Variants in PSEN1 observed in about 807,000 individuals in gnomAD.
PSEN1 encodes the protein presenilin 1.
Under a neutral mutation model 53.5 loss-of-function variants are expected in PSEN1, and 15 were observed. The observed-to-expected ratio is 0.28, with a 90% CI of 0.19 to 0.43. PSEN1 has a LOEUF of 0.43. Among genes scored for constraint, PSEN1 ranks in the 20% least tolerant of loss-of-function variants. PSEN1 has a pLI of 1.00. For missense variants in PSEN1, 387 were observed against 571.2 expected, an observed-to-expected ratio of 0.68 and a Z score of 3.29; for synonymous variants, 208 against 209.8, an observed-to-expected ratio of 0.99 and a Z score of 0.08.
At chr14:73,188,375 C>T (rs1048586482) in intron 6 of PSEN1, among the ~76,000 whole-genome samples, 2 of 151,972 alleles carry the variant, frequency 1.3e-5, no homozygotes, top group Non-Finnish European at 2.9e-5. Flanking sequence ...TAGACGGGGT[C>T]GGGTGTGGTG....
chr14:73,157,708 A>G (rs1010977306), intron 3 of PSEN1, among the ~76,000 whole-genome samples: 2 of 151,984 alleles, frequency 1.3e-5, no homozygotes, highest in Admixed American at 1.3e-4. Context: ...TATTTTATAT[A>G]AATAGTATCA....
At chr14:73,218,196 C>CCTGTCT (rs1900002108) in intron 11 of PSEN1, among the ~76,000 whole-genome samples, 1 of 149,762 alleles carries the variant, frequency 6.7e-6, no homozygotes, top group Admixed American at 6.7e-5. Flanking sequence ...AAGCGATCCT[C>CCTGTCT]CTGTCTCAGC....
At chr14:73,195,460 A>C (rs1898902025) in intron 7 of PSEN1, among the ~76,000 whole-genome samples, 1 of 152,216 alleles carries the variant, frequency 6.6e-6, no homozygotes, top group Admixed American at 6.5e-5. Flanking sequence ...GGCTTGAACC[A>C]CTGCGCCCAG....
At chr14:73,211,096 T>TAA (rs1280910594) in intron 9 of PSEN1, among the ~76,000 whole-genome samples, 2 of 152,178 alleles carry the variant, frequency 1.3e-5, no homozygotes, top group African/African-American at 2.4e-5. Context: ...TTGCAAAAGA[T>TAA]AAAAAGCCCA....
At chr14:73,185,608 T>TG (rs796578215) in intron 5 of PSEN1, among the ~76,000 whole-genome samples, 1 of 151,422 alleles carries the variant, frequency 6.6e-6, no homozygotes, top group African/African-American at 2.4e-5. Flanking sequence ...AGGGAGACCG[T>TG]GGGGAGAGAG....
chr14:73,139,887 A>C (rs1021285950), intron 1 of PSEN1, among the ~76,000 whole-genome samples: 1 of 152,204 alleles, frequency 6.6e-6, no homozygotes, highest in African/African-American at 2.4e-5. Context: ...GGCTTTTCAC[A>C]ACGCCTTGTA....
At chr14:73,165,654 A>G (rs1857810390) in intron 3 of PSEN1, among the ~76,000 whole-genome samples, 1 of 151,704 alleles carries the variant, frequency 6.6e-6, no homozygotes, top group Non-Finnish European at 1.5e-5. Context: ...AGGCTGAGGC[A>G]GGAGAATTGC....
At chr14:73,158,598 A>G (rs908090330) in intron 3 of PSEN1, among the ~76,000 whole-genome samples, 8 of 152,160 alleles carry the variant, frequency 5.3e-5, no homozygotes, top group Admixed American at 1.3e-4. Flanking sequence ...TTGGGATTAC[A>G]GGCGTGAGCC....
chr14:73,167,685 A>G (rs2140028125), intron 3 of PSEN1: 1 of 151,326 alleles, frequency 6.6e-6, no homozygotes, highest in Non-Finnish European at 1.5e-5. Context: ...TCTTCAGTCT[A>G]CACTGTGACA....
chr14:73,173,212 G>A (rs912416513), intron 4 of PSEN1, among the ~76,000 whole-genome samples: 4 of 152,114 alleles, frequency 2.6e-5, no homozygotes, highest in Admixed American at 6.5e-5. Flanking sequence ...GTCAGCCCAC[G>A]TGGTTTCTGT....
chr14:73,217,702 A>G (rs1187737631), intron 11 of PSEN1, among the ~76,000 whole-genome samples: 2 of 152,236 alleles, frequency 1.3e-5, no homozygotes, highest in East Asian at 1.9e-4. Context: ...TAAGACAGCA[A>G]GCATCTAGTG....
chr14:73,213,119 C>T (rs867575414), intron 10 of PSEN1, among the ~76,000 whole-genome samples: 2 of 152,114 alleles, frequency 1.3e-5, no homozygotes, highest in South Asian at 2.1e-4. Flanking sequence ...TATCAAAGCC[C>T]AGCTGCAGCC....
intron 3 of PSEN1, 62 bp from the exon 4 acceptor site, chr14:73,170,735 A>G: frequency 6.3e-7 from 1 of 1,584,580 alleles, no homozygotes; most frequent in Non-Finnish European, 8.6e-7. Flanking sequence ...TCCCAGGTCT[A>G]ACCGTTACCT....
At chr14:73,173,875 AAAGG>A in intron 5 of PSEN1, 168 bp downstream of exon 5, 1 of 850,376 alleles carries the variant, frequency 1.2e-6, no homozygotes, top group Non-Finnish European at 1.9e-6. Context: ...AAAAATACAA[AAAGG>A]AAGCCAGGTG....
chr14:73,193,760 G>A (rs574617831), intron 7 of PSEN1, among the ~76,000 whole-genome samples: 7 of 151,830 alleles, frequency 4.6e-5, no homozygotes, highest in African/African-American at 7.3e-5. Context: ...TGGCTCATGC[G>A]ATCCTCCCAC....
In PSEN1 at chr14:73,221,696, A is replaced by G. The variant is rs1447801356; in HGVS notation, c.*2407A>G. 1.3e-5 allele frequency: 2 copies of G among 151,934 alleles called. No homozygotes were observed. The highest frequency in any genetic ancestry group is 2.9e-5 in the Non-Finnish European group (2 of 68,008). The allele number at this position is 151,934 out of a possible 1,614,324, so 9.4% of individuals were successfully genotyped here. ...GCCTGAGTAGCTGAGACTACAGCCC[A>G]TCTTATTTCTTTAAATCATTCATCT... On this transcript the variant is annotated 3_prime_UTR_variant, in exon 12 of 12. Transcript: ENST00000324501.
At chr14:73,208,839 C>CT (rs1318043363) in intron 9 of PSEN1, 4 of 454,968 alleles carry the variant, frequency 8.8e-6, no homozygotes, top group African/African-American at 8.0e-5. Flanking sequence ...TGTCTGCCTC[C>CT]TGCTGCCATC....
At chr14:73,174,200 T>C in intron 5 of PSEN1, 1 of 186,658 alleles carries the variant, frequency 5.4e-6, no homozygotes. Flanking sequence ...AACATTTCCA[T>C]ATAATAGCAC....
intron 3 of PSEN1, among the ~76,000 whole-genome samples, chr14:73,150,138 T>G (rs528614543): frequency 2.6e-4 from 40 of 152,226 alleles, no homozygotes; most frequent in Non-Finnish European, 4.4e-4. Context: ...TAGGCACCCA[T>G]GTACCTATCA....
Sources: gnomAD v4.1 joint callset for allele counts (sites outside exome capture counted in the v4.1 genomes callset) on GRCh38, gnomAD v4.1.1 for gene constraint, MANE v1.5 for transcripts, NCBI Gene and HGNC (gene_info 2026-07-23, HGNC 2026-07-21) for gene names.